Variants in PPFIBP2 observed in about 807,000 individuals in gnomAD.
PPFIBP2 encodes the protein PPFIB scaffold protein 2.
PPFIBP2 carries 118 observed loss-of-function variants against 118.3 expected under a neutral mutation model. That is an observed-to-expected ratio of 1.00 (90% CI 0.86 to 1.16). The LOEUF is 1.16. Among genes scored for constraint, PPFIBP2 ranks in the 50% most tolerant of loss-of-function variants. PPFIBP2 has a pLI of 0.00. For missense variants in PPFIBP2, 1,195 were observed against 1,073.1 expected (o/e 1.11, Z -1.59); for synonymous variants, 414 against 397.4 (o/e 1.04, Z -0.50).
At chr11:7,531,623 G>A (rs1850690475) in intron 1 of PPFIBP2, among the ~76,000 whole-genome samples, 2 of 152,188 alleles carry the variant, frequency 1.3e-5, no homozygotes, top group Non-Finnish European at 1.5e-5. Context: ...TGGAGAGGAG[G>A]CTGCCTTCTT....
At chr11:7,523,824 C>T (rs1296096698) in intron 1 of PPFIBP2, among the ~76,000 whole-genome samples, 2 of 152,172 alleles carry the variant, frequency 1.3e-5, no homozygotes, top group African/African-American at 4.8e-5. Flanking sequence ...TGATCCAGAT[C>T]TCAGGATTTC....
At chr11:7,518,594 G>T (rs1849447424) in intron 1 of PPFIBP2, among the ~76,000 whole-genome samples, 1 of 152,188 alleles carries the variant, frequency 6.6e-6, no homozygotes, top group Non-Finnish European at 1.5e-5. Flanking sequence ...TCCAGACACA[G>T]TCCTGGTCTT....
chr11:7,532,732 T>C (rs1452873117), intron 1 of PPFIBP2, among the ~76,000 whole-genome samples: 2 of 152,216 alleles, frequency 1.3e-5, no homozygotes, highest in African/African-American at 4.8e-5. Flanking sequence ...CAGGCTGTTG[T>C]TGACAGTGCA....
intron 5 of PPFIBP2, chr11:7,606,023 G>A (rs1847299276): frequency 1.3e-6 from 2 of 1,533,108 alleles, no homozygotes; most frequent in Non-Finnish European, 1.7e-6. Flanking sequence ...AAAGTAGGTA[G>A]AAAAGCTGTT....
At chr11:7,585,059 C>G (rs1239274567) in intron 3 of PPFIBP2, among the ~76,000 whole-genome samples, 1 of 152,194 alleles carries the variant, frequency 6.6e-6, no homozygotes, top group Non-Finnish European at 1.5e-5. Flanking sequence ...ACCCAACGTG[C>G]TGTGTTCAAA....
chr11:7,554,065 G>T (rs1188802889), intron 2 of PPFIBP2, among the ~76,000 whole-genome samples: 1 of 152,164 alleles, frequency 6.6e-6, no homozygotes, highest in Non-Finnish European at 1.5e-5. Context: ...TTGCAGAAAT[G>T]ACATTTTTGT....
intron 14 of PPFIBP2, among the ~76,000 whole-genome samples, chr11:7,638,886 G>A (rs563930344): frequency 6.6e-6 from 1 of 152,306 alleles, no homozygotes; most frequent in East Asian, 1.9e-4. Flanking sequence ...GCATGGAGCT[G>A]GCTGCACTGA....
intron 11 of PPFIBP2, among the ~76,000 whole-genome samples, chr11:7,632,157 G>A (rs1210959685): frequency 1.3e-5 from 2 of 152,182 alleles, no homozygotes; most frequent in East Asian, 3.8e-4. Context: ...CTTTCCCCCT[G>A]TAATGTTCTT....
chr11:7,599,821 G>GT (rs372212074), intron 5 of PPFIBP2, among the ~76,000 whole-genome samples: 2 of 116,972 alleles, frequency 1.7e-5, no homozygotes, highest in African/African-American at 3.4e-5. Context: ...TTTTTTTGTA[G>GT]TTTTAGTAGA....
At chr11:7,666,715 C>T in the PPFIBP2 span, 32 of 543,400 alleles carry the variant, frequency 5.9e-5, no homozygotes, top group Non-Finnish European at 1.1e-4. Flanking sequence ...GCTCCTGAAG[C>T]TCAAACCCTT....
At position 7,648,603 on chromosome 11, in the gene PPFIBP2, G is replaced by A. The variant is rs762544742; in HGVS notation, c.1797+66G>A. On this transcript the variant is annotated intron_variant, in intron 18 of 23. Transcript: ENST00000299492. ...CCAAAGCATGGGGAGGCCAGGGTCC[G>A]CCACTCCTGTCACACATACACACAG... 3.3e-5 allele frequency: 53 copies of A among 1,588,412 alleles called. 1 individual carries two copies. Among genetic ancestry groups the A allele is most frequent in the South Asian group, 2.5e-4 (22 of 89,056 alleles).
At chr11:7,624,755 A>G (rs1430332076) in intron 7 of PPFIBP2, among the ~76,000 whole-genome samples, 3 of 152,256 alleles carry the variant, frequency 2.0e-5, no homozygotes, top group Non-Finnish European at 2.9e-5. Context: ...AGCACTTAGT[A>G]TATACTAAAT....
At chr11:7,617,252 C>T (rs917584780) in intron 6 of PPFIBP2, 23 of 985,296 alleles carry the variant, frequency 2.3e-5, no homozygotes, top group South Asian at 1.4e-4. Flanking sequence ...TGGCCGAGCC[C>T]CAGCCCTGCA....
At chr11:7,577,326 T>TATGTGCGTGTGTGTGC (rs1564994159) in intron 3 of PPFIBP2, 2 of 283,530 alleles carry the variant, frequency 7.1e-6, no homozygotes, top group African/African-American at 5.5e-5. Context: ...TGTGCGTGTG[T>TATGTGCGTGTGTGTGC]GTGTGTGTGT....
chr11:7,664,288 A>G, the PPFIBP2 span, among the ~76,000 whole-genome samples: 16 of 152,254 alleles, frequency 1.1e-4, no homozygotes, highest in East Asian at 3.1e-3. Flanking sequence ...GCCGGAGAGG[A>G]AGGGCATTCC....
At position 7,549,608 on chromosome 11, in the gene PPFIBP2, A is replaced by ATTTT; in HGVS notation, c.64+69_64+70insTTTT. ...TTCCAGGAACTGCTTCTCTCCTTTT[A>ATTTT]CTTTTTTTTTTTTTTTTGGCATAGA... is the stretch of plus-strand genomic sequence containing the variant. On this transcript the variant is annotated intron_variant, in intron 2 of 23. Transcript: ENST00000299492. The ATTTT allele has an allele frequency of 1.3e-5, 14 of 1,047,350 alleles. No individual in the cohort carries two copies. The South Asian group carries it at 1.6e-4, about 12-fold the overall frequency. The allele number at this position is 1,047,350 out of a possible 1,614,324, so 64.9% of individuals were successfully genotyped here.
At chr11:7,532,533 C>T (rs1271214635) in intron 1 of PPFIBP2, among the ~76,000 whole-genome samples, 7 of 152,196 alleles carry the variant, frequency 4.6e-5, no homozygotes, top group Admixed American at 1.3e-4. Context: ...TGACTGGCCT[C>T]GTCCAAAGGC....
At chr11:7,514,343 G>T (rs1355136900) in intron 1 of PPFIBP2, among the ~76,000 whole-genome samples, 1 of 152,236 alleles carries the variant, frequency 6.6e-6, no homozygotes, top group Non-Finnish European at 1.5e-5. Flanking sequence ...ACTCCTGTGG[G>T]TTGGCTGCGA....
In PPFIBP2 at chr11:7,625,789, CA is replaced by C; in HGVS notation, c.725del (p.Gln242ArgfsTer8). The C allele has an allele frequency of 6.2e-7, 1 of 1,614,168 alleles. No individual in the cohort carries two copies. Among genetic ancestry groups the C allele is most frequent in the Non-Finnish European group, 8.5e-7 (1 of 1,180,000 alleles). ...KLKATKAEVAQLQEQVALKDA... is the reference protein window; with the variant it reads ...KLKATKAEVAXLQEQVALKDA... ...GTTGCTCTTCCAGGCTGAAGTCGCC[CA>C]GCTGCAAGAACAGGTGGCCCTGAAA... On this transcript the variant is annotated frameshift_variant, in exon 8 of 24. Coordinates refer to ENST00000299492, the MANE Select transcript of PPFIBP2 (RefSeq NM_003621.5). LOFTEE classifies it high-confidence loss of function.
Sources: allele counts gnomAD v4.1 joint callset (sites outside exome capture counted in the v4.1 genomes callset), GRCh38; gene constraint gnomAD v4.1.1; transcripts MANE v1.5; gene names NCBI Gene and HGNC (gene_info 2026-07-23, HGNC 2026-07-21).